Variants in B3GALT1 observed in about 807,000 individuals in gnomAD.
B3GALT1 encodes UDP-Gal:betaGlcNAc beta 1,3-galactosyltransferase, polypeptide 1.
B3GALT1 carries 10 observed loss-of-function variants against 23.2 expected under a neutral mutation model. The ratio of observed to expected loss-of-function variants is 0.43; its 90% CI spans 0.27 to 0.73. The LOEUF (loss-of-function observed/expected upper bound fraction) is 0.73. Ranked by LOEUF, B3GALT1 falls within the 30% of genes least tolerant of loss-of-function variation. The pLI, the probability that B3GALT1 is intolerant of heterozygous loss-of-function variation, is 0.21. For missense variants in B3GALT1, 299 were observed against 405.4 expected (o/e 0.74, Z 2.25); for synonymous variants, 156 against 141.5 (o/e 1.10, Z -0.73).
chr2:167,842,386 C>T (rs1192479896), intron 4 of B3GALT1, among the ~76,000 whole-genome samples: 1 of 152,176 alleles, frequency 6.6e-6, no homozygotes, highest in Admixed American at 6.5e-5. Context: ...ACTTCTATGT[C>T]ATTATTTCAT....
intron 2 of B3GALT1, among the ~76,000 whole-genome samples, chr2:167,609,899 G>T (rs1272474888): frequency 1.3e-5 from 2 of 152,076 alleles, no homozygotes; most frequent in Non-Finnish European, 2.9e-5. Flanking sequence ...TGGAGCGAAG[G>T]TATTGTGGGG....
At chr2:167,708,519 G>T (rs935704022) in intron 3 of B3GALT1, among the ~76,000 whole-genome samples, 1 of 152,104 alleles carries the variant, frequency 6.6e-6, no homozygotes, top group South Asian at 2.1e-4. Flanking sequence ...AAAATTAGCC[G>T]GCACAGTGGC....
intron 3 of B3GALT1, among the ~76,000 whole-genome samples, chr2:167,687,363 G>A (rs2029080): frequency 0.22 from 33,375 of 152,064 alleles, 4,428 homozygotes; most frequent in Admixed American, 0.29. Flanking sequence ...TTTAAGTGAA[G>A]ATAAGCTAAA....
At chr2:167,359,090 G>A (rs575236513) in intron 1 of B3GALT1, among the ~76,000 whole-genome samples, 10 of 152,024 alleles carry the variant, frequency 6.6e-5, no homozygotes, top group Non-Finnish European at 8.8e-5. Flanking sequence ...GTGAGCCACC[G>A]CGCCTGGCCA....
intron 1 of B3GALT1, among the ~76,000 whole-genome samples, chr2:167,446,407 G>T (rs942039792): frequency 6.6e-6 from 1 of 152,128 alleles, no homozygotes; most frequent in African/African-American, 2.4e-5. Flanking sequence ...TTGAATGTTG[G>T]CCTGCCTTGC....
At chr2:167,514,934 T>G (rs1334794140) in intron 2 of B3GALT1, among the ~76,000 whole-genome samples, 1 of 152,150 alleles carries the variant, frequency 6.6e-6, no homozygotes, top group Non-Finnish European at 1.5e-5. Flanking sequence ...AGGAACTGGT[T>G]AATAAATATA....
intron 2 of B3GALT1, among the ~76,000 whole-genome samples, chr2:167,505,902 A>AC (rs1396311634): frequency 6.6e-6 from 1 of 152,006 alleles, no homozygotes; most frequent in Non-Finnish European, 1.5e-5. Flanking sequence ...TCTACCAAAA[A>AC]TACAAAAATT....
chr2:167,380,499 C>T (rs1380753358), intron 1 of B3GALT1, among the ~76,000 whole-genome samples: 2 of 152,156 alleles, frequency 1.3e-5, no homozygotes, highest in African/African-American at 4.8e-5. Flanking sequence ...GTGGAAGCCC[C>T]TATTCCACTC....
intron 1 of B3GALT1, among the ~76,000 whole-genome samples, chr2:167,444,077 A>T (rs533355798): frequency 4.6e-5 from 7 of 152,204 alleles, no homozygotes; most frequent in Non-Finnish European, 7.3e-5. Context: ...TTTAGCATGA[A>T]GGGCTGTTGA....
intron 1 of B3GALT1, among the ~76,000 whole-genome samples, chr2:167,340,735 A>G (rs1358038132): frequency 2.0e-5 from 3 of 152,178 alleles, no homozygotes; most frequent in African/African-American, 7.2e-5. Context: ...TCTCTAGACA[A>G]AGTGATCATC....
At chr2:167,471,251 C>T (rs1402132012) in intron 1 of B3GALT1, among the ~76,000 whole-genome samples, 1 of 152,028 alleles carries the variant, frequency 6.6e-6, no homozygotes, top group African/African-American at 2.4e-5. Flanking sequence ...AAATAAAAAT[C>T]GACACTTGAT....
chr2:167,339,315 A>G (rs538668823), intron 1 of B3GALT1, among the ~76,000 whole-genome samples: 2 of 152,316 alleles, frequency 1.3e-5, no homozygotes, highest in Admixed American at 6.5e-5. Flanking sequence ...ATACAAATGT[A>G]TGACACAACT....
intron 3 of B3GALT1, among the ~76,000 whole-genome samples, chr2:167,673,289 C>G (rs1686364855): frequency 6.6e-6 from 1 of 151,766 alleles, no homozygotes; most frequent in Non-Finnish European, 1.5e-5. Context: ...AAACGATAAA[C>G]CAAAGCACTG....
At chr2:167,646,338 C>T (rs1489457223) in intron 2 of B3GALT1, among the ~76,000 whole-genome samples, 1 of 152,138 alleles carries the variant, frequency 6.6e-6, no homozygotes, top group East Asian at 1.9e-4. Context: ...TGCCAAACTC[C>T]CCTCTTTCTA....
chr2:167,598,555 G>A (rs187262666), intron 2 of B3GALT1, among the ~76,000 whole-genome samples: 12 of 152,170 alleles, frequency 7.9e-5, no homozygotes, highest in African/African-American at 2.9e-4. Context: ...AGCAGTATTT[G>A]GAAAATATTT....
intron 2 of B3GALT1, among the ~76,000 whole-genome samples, chr2:167,588,899 T>C (rs932273687): frequency 6.7e-6 from 1 of 149,136 alleles, no homozygotes; most frequent in Non-Finnish European, 1.5e-5. Flanking sequence ...TCTTCCTTCT[T>C]TCCTTCCGTC....
intron 3 of B3GALT1, among the ~76,000 whole-genome samples, chr2:167,684,680 G>C (rs1686587085): frequency 6.6e-6 from 1 of 152,152 alleles, no homozygotes; most frequent in Admixed American, 6.5e-5. Flanking sequence ...AAAATCCAAT[G>C]GCTTTAGCCA....
intron 2 of B3GALT1, among the ~76,000 whole-genome samples, chr2:167,531,922 G>A (rs772268433): frequency 6.6e-6 from 1 of 152,002 alleles, no homozygotes; most frequent in Non-Finnish European, 1.5e-5. Flanking sequence ...TTATTTTTTG[G>A]ATAAGTTCAT....
intron 1 of B3GALT1, among the ~76,000 whole-genome samples, chr2:167,403,502 T>TAA (rs565141727): frequency 1.4e-5 from 2 of 145,900 alleles, no homozygotes; most frequent in Admixed American, 1.4e-4. Flanking sequence ...GCACCATGTT[T>TAA]AAAAAAAAAA....
Sources: allele counts gnomAD v4.1 joint callset (sites outside exome capture counted in the v4.1 genomes callset), GRCh38; gene constraint gnomAD v4.1.1; transcripts MANE v1.5; gene names NCBI Gene and HGNC (gene_info 2026-07-23, HGNC 2026-07-21).